The following FRMD5 variants were observed in gnomAD, a reference collection of about 807,000 sequenced individuals.
The protein encoded by FRMD5 is FERM domain-containing protein 5.
In FRMD5, 20 loss-of-function variants were observed where a neutral mutation model predicts 69.0. The observed-to-expected ratio is 0.29, with a 90% confidence interval of 0.20 to 0.42. The LOEUF (loss-of-function observed/expected upper bound fraction) is 0.42, where lower values mean the gene tolerates loss of function less well. FRMD5 is among the 10% of genes least tolerant of loss of function. FRMD5 has a pLI of 1.00. For missense variants in FRMD5, 595 were observed against 708.6 expected, an observed-to-expected ratio of 0.84 and a Z score of 1.82; for synonymous variants, 271 against 260.1, an observed-to-expected ratio of 1.04 and a Z score of -0.40.
chr15:44,137,332 C>G (rs1434082181), intron 1 of FRMD5, among the ~76,000 whole-genome samples: 1 of 152,224 alleles, frequency 6.6e-6, no homozygotes, highest in Non-Finnish European at 1.5e-5. Flanking sequence ...TAAGCTCCCA[C>G]CAGAATTGCT....
chr15:44,144,590 G>A (rs1252011693), intron 1 of FRMD5, among the ~76,000 whole-genome samples: 1 of 152,228 alleles, frequency 6.6e-6, no homozygotes, highest in South Asian at 2.1e-4. Context: ...CTTTCCAGGG[G>A]CACCCTGAGC....
At position 43,990,044 on chromosome 15, in the gene FRMD5, T is replaced by G. The variant is rs191163272; in HGVS notation, c.103-65735A>C. 2.6e-5 allele frequency: 20 copies of G among 766,116 alleles called. 1 individual carries two copies. Among genetic ancestry groups the G allele is most frequent in the African/African-American group, 2.1e-4 (12 of 58,178 alleles). The allele number at this position is 766,116 out of a possible 1,614,324, so 47.5% of individuals were successfully genotyped here. A position where few individuals can be genotyped will look rare whatever the true frequency, so the allele number is the denominator to read the frequency against. The stretch of plus-strand genomic sequence containing the variant: ...CCCACATAGGAGTCCTTCTGACCCA[T>G]GCCCACCGTCACGCCCTGGTGTCTG... On this transcript the variant is annotated intron_variant, in intron 1 of 13. Coordinates refer to ENST00000417257, the MANE Select transcript of FRMD5 (RefSeq NM_032892.5).
intron 1 of FRMD5, among the ~76,000 whole-genome samples, chr15:44,036,722 C>A (rs1160653883): frequency 6.6e-6 from 1 of 152,188 alleles, no homozygotes; most frequent in African/African-American, 2.4e-5. Flanking sequence ...AATAGTATAT[C>A]ATCTGTAAGT....
chr15:44,119,153 T>C (rs1331085983), intron 1 of FRMD5, among the ~76,000 whole-genome samples: 1 of 151,998 alleles, frequency 6.6e-6, no homozygotes, highest in Non-Finnish European at 1.5e-5. Context: ...GACAGGGTCT[T>C]ACCATGCTGC....
chr15:44,084,214 GATGATAAC>G, intron 1 of FRMD5, among the ~76,000 whole-genome samples: 1 of 152,100 alleles, frequency 6.6e-6, no homozygotes, highest in South Asian at 2.1e-4. Context: ...ATTTCAAGAA[GATGATAAC>G]ACACCTATCT....
chr15:44,006,532 A>T (rs1321128969), intron 1 of FRMD5, among the ~76,000 whole-genome samples: 1 of 152,220 alleles, frequency 6.6e-6, no homozygotes, highest in Non-Finnish European at 1.5e-5. Context: ...CCTCTGATGG[A>T]TCTAGGCAAA....
chr15:44,088,320 C>T (rs1045839470), intron 1 of FRMD5, among the ~76,000 whole-genome samples: 9 of 152,104 alleles, frequency 5.9e-5, no homozygotes, highest in Non-Finnish European at 1.3e-4. Flanking sequence ...TAACTCTCTC[C>T]CCACCAGCTC....
At chr15:43,978,790 G>A (rs1245882610) in intron 1 of FRMD5, among the ~76,000 whole-genome samples, 4 of 152,066 alleles carry the variant, frequency 2.6e-5, no homozygotes, top group African/African-American at 7.2e-5. Flanking sequence ...GACCTCAGGT[G>A]ATCCACCCAC....
chr15:44,189,590 G>A (rs956016088), intron 1 of FRMD5, among the ~76,000 whole-genome samples: 2 of 151,666 alleles, frequency 1.3e-5, no homozygotes, highest in Non-Finnish European at 2.9e-5. Flanking sequence ...CCGGGTTCAA[G>A]CAATTCTCCT....
At chr15:44,053,503 A>G (rs1892750635) in intron 1 of FRMD5, among the ~76,000 whole-genome samples, 1 of 152,140 alleles carries the variant, frequency 6.6e-6, no homozygotes. Context: ...GAGAGCTTGG[A>G]TGGGAGCGGT....
At chr15:44,190,732 A>G (rs1261409775) in intron 1 of FRMD5, among the ~76,000 whole-genome samples, 1 of 152,240 alleles carries the variant, frequency 6.6e-6, no homozygotes, top group Non-Finnish European at 1.5e-5. Context: ...TACAGGTGTT[A>G]GAACTGTTTA....
At chr15:44,031,782 A>G (rs1891695730) in intron 1 of FRMD5, among the ~76,000 whole-genome samples, 1 of 152,164 alleles carries the variant, frequency 6.6e-6, no homozygotes, top group Admixed American at 6.5e-5. Context: ...TTATCCTTAC[A>G]TCTGCCTTAA....
intron 1 of FRMD5, among the ~76,000 whole-genome samples, chr15:44,141,989 T>A (rs1413018707): frequency 1.3e-5 from 2 of 152,202 alleles, no homozygotes; most frequent in East Asian, 3.8e-4. Context: ...AAATTAGGCT[T>A]GTTGTCCTTG....
At chr15:43,884,613 T>G in intron 12 of FRMD5, 114 bp downstream of exon 12, 10 of 798,470 alleles carry the variant, frequency 1.3e-5, no homozygotes, top group Admixed American at 2.5e-5. Context: ...TTCTGCTCCA[T>G]TTTGGACTTT....
intron 1 of FRMD5, among the ~76,000 whole-genome samples, chr15:44,177,067 T>C (rs1359134579): frequency 6.6e-6 from 1 of 150,810 alleles, no homozygotes; most frequent in Admixed American, 6.6e-5. Flanking sequence ...TTCCAAAGGG[T>C]TTGAGCACTG....
intron 1 of FRMD5, among the ~76,000 whole-genome samples, chr15:44,027,652 T>G (rs1392729629): frequency 1.7e-5 from 2 of 114,518 alleles, no homozygotes; most frequent in Non-Finnish European, 3.3e-5. Flanking sequence ...TTTTTTTTTG[T>G]TTTTTTTTTT....
intron 1 of FRMD5, among the ~76,000 whole-genome samples, chr15:44,081,098 G>T (rs1893978304): frequency 6.6e-6 from 1 of 152,066 alleles, no homozygotes; most frequent in African/African-American, 2.4e-5. Context: ...GGAGGTCAAG[G>T]AAGGCTCCTT....
At chr15:44,143,861 T>A (rs751861965) in intron 1 of FRMD5, among the ~76,000 whole-genome samples, 39 of 137,024 alleles carry the variant, frequency 2.8e-4, no homozygotes, top group Non-Finnish European at 5.6e-4. Context: ...GAGGCGGAGG[T>A]TGCAGTGAGC....
At chr15:44,192,225 G>A (rs1231285916) in intron 1 of FRMD5, among the ~76,000 whole-genome samples, 6 of 151,906 alleles carry the variant, frequency 3.9e-5, no homozygotes, top group Admixed American at 1.3e-4. Flanking sequence ...ATGCCAGATC[G>A]GAATAAATGC....
Sources: gnomAD v4.1 joint callset for allele counts (sites outside exome capture counted in the v4.1 genomes callset) on GRCh38, gnomAD v4.1.1 for gene constraint, MANE v1.5 for transcripts, NCBI Gene and HGNC (gene_info 2026-07-23, HGNC 2026-07-21) for gene names.